OLA1: variants seen among roughly 807,000 people sequenced by gnomAD.
OLA1 encodes obg-like ATPase 1.
In OLA1, 14 loss-of-function variants were observed where a neutral mutation model predicts 48.4. The observed-to-expected ratio is 0.29, with a 90% CI of 0.19 to 0.45. The LOEUF (loss-of-function observed/expected upper bound fraction) is 0.45. OLA1 is among the 20% of genes least tolerant of loss of function. The pLI is 1.00. For synonymous variants in OLA1, 127 were observed against 150.4 expected, an observed-to-expected ratio of 0.84 and a Z score of 1.14; for missense variants, 325 against 467.1, an observed-to-expected ratio of 0.70 and a Z score of 2.80.
At chr2:174,175,553 GA>G (rs1352551907) in intron 4 of OLA1, among the ~76,000 whole-genome samples, 2 of 151,940 alleles carry the variant, frequency 1.3e-5, no homozygotes, top group African/African-American at 4.8e-5. Flanking sequence ...GCCTAAACTA[GA>G]AACAATTGAC....
chr2:174,223,664 G>A (rs1163892082), intron 3 of OLA1, among the ~76,000 whole-genome samples: 4 of 145,424 alleles, frequency 2.8e-5, no homozygotes, highest in South Asian at 4.3e-4. Context: ...GAGGAGTTAC[G>A]AAATCTATTG....
At chr2:174,144,687 T>C (rs922756934) in intron 4 of OLA1, among the ~76,000 whole-genome samples, 7 of 151,676 alleles carry the variant, frequency 4.6e-5, no homozygotes, top group Admixed American at 3.9e-4. Context: ...GCATGGTGGC[T>C]CACACCTGTA....
chr2:174,146,990 C>T (rs1349770223), intron 4 of OLA1, among the ~76,000 whole-genome samples: 9 of 152,120 alleles, frequency 5.9e-5, no homozygotes, highest in African/African-American at 1.9e-4. Flanking sequence ...TAAATAAACA[C>T]CAAAATAAAA....
intron 2 of OLA1, among the ~76,000 whole-genome samples, chr2:174,234,191 T>G (rs1688797020): frequency 6.6e-6 from 1 of 152,214 alleles, no homozygotes; most frequent in African/African-American, 2.4e-5. Flanking sequence ...TTTCACTTAG[T>G]GAATAGTAGC....
chr2:174,158,987 T>C (rs1686951543), intron 4 of OLA1, among the ~76,000 whole-genome samples: 1 of 152,214 alleles, frequency 6.6e-6, no homozygotes, highest in Non-Finnish European at 1.5e-5. Context: ...GACTGTATGT[T>C]ATGTATTCAT....
At chr2:174,219,422 C>CTTT (rs1559011396) in intron 4 of OLA1, among the ~76,000 whole-genome samples, 127 of 144,156 alleles carry the variant, frequency 8.8e-4, no homozygotes, top group African/African-American at 3.2e-3. Context: ...ATTTTATTTC[C>CTTT]CTTTTTTTTT....
intron 5 of OLA1, among the ~76,000 whole-genome samples, chr2:174,141,013 C>T (rs1479498819): frequency 6.6e-6 from 1 of 152,188 alleles, no homozygotes; most frequent in Non-Finnish European, 1.5e-5. Context: ...CTCACTGCAA[C>T]CTCCGCCTCC....
intron 5 of OLA1, among the ~76,000 whole-genome samples, chr2:174,124,489 A>T (rs1686002211): frequency 1.3e-5 from 2 of 152,026 alleles, no homozygotes; most frequent in African/African-American, 4.8e-5. Context: ...CACAAACTGA[A>T]CCCTTCAAGC....
chr2:174,099,417 G>C (rs1685338372), intron 7 of OLA1, among the ~76,000 whole-genome samples: 1 of 152,152 alleles, frequency 6.6e-6, no homozygotes, highest in Admixed American at 6.5e-5. Flanking sequence ...GCCTCCTGAA[G>C]TGCTGGGGTT....
intron 4 of OLA1, among the ~76,000 whole-genome samples, chr2:174,165,951 A>G (rs1193495663): frequency 6.6e-6 from 1 of 152,036 alleles, no homozygotes; most frequent in Admixed American, 6.6e-5. Flanking sequence ...GTGAAACCCC[A>G]TCTCCACCAA....
At chr2:174,157,793 G>A (rs1686921191) in intron 4 of OLA1, among the ~76,000 whole-genome samples, 1 of 152,132 alleles carries the variant, frequency 6.6e-6, no homozygotes, top group Admixed American at 6.6e-5. Flanking sequence ...ATGATGGTCT[G>A]ATTAAATCCA....
At chr2:174,140,559 G>A (rs553453350) in intron 5 of OLA1, among the ~76,000 whole-genome samples, 8 of 151,668 alleles carry the variant, frequency 5.3e-5, no homozygotes, top group Non-Finnish European at 1.0e-4. Flanking sequence ...GTCGAGATGG[G>A]GTTTCACAAT....
At chr2:174,199,542 T>C (rs1687946934) in intron 4 of OLA1, among the ~76,000 whole-genome samples, 1 of 152,222 alleles carries the variant, frequency 6.6e-6, no homozygotes, top group African/African-American at 2.4e-5. Context: ...AACTTCCCAA[T>C]ATTTAAAGAT....
At chr2:174,153,443 T>C (rs1204099705) in intron 4 of OLA1, among the ~76,000 whole-genome samples, 6 of 152,180 alleles carry the variant, frequency 3.9e-5, no homozygotes, top group Non-Finnish European at 1.5e-5. Context: ...TTGGAGCTTA[T>C]ATTTAGTATA....
rs964994807 is a variant in OLA1, at chr2:174,075,343, C to T, written c.*83G>A. 10 of 693,740 alleles carry T rather than the reference C, an allele frequency of 1.4e-5. No individual in the cohort carries two copies. Among genetic ancestry groups the T allele is most frequent in the African/African-American group, 9.3e-5 (5 of 53,484 alleles). The allele number at this position is 693,740 out of a possible 1,614,324, so 43.0% of individuals were successfully genotyped here. ...TTCCCATCTCCCCAACTTTATTTGT[C>T]GCATTGGTTTTCAGAAATTTTAATT... On this transcript the variant is annotated 3_prime_UTR_variant, in exon 11 of 11. Coordinates refer to ENST00000284719, the MANE Select transcript of OLA1 (RefSeq NM_013341.5).
chr2:174,179,157 TGTAA>T (rs1308136328), intron 4 of OLA1, among the ~76,000 whole-genome samples: 3 of 151,922 alleles, frequency 2.0e-5, no homozygotes, highest in Non-Finnish European at 4.4e-5. Context: ...ATCTTTTAAC[TGTAA>T]GTAGTTTATT....
chr2:174,126,201 C>G (rs1686039012), intron 5 of OLA1, among the ~76,000 whole-genome samples: 1 of 151,780 alleles, frequency 6.6e-6, no homozygotes, highest in African/African-American at 2.4e-5. Context: ...TGAAAGAAAA[C>G]ATTTGGGCTT....
At chr2:174,222,918 C>T in intron 4 of OLA1, 115 bp downstream of exon 4, 1 of 1,081,574 alleles carries the variant, frequency 9.2e-7, no homozygotes, top group Non-Finnish European at 1.3e-6. Flanking sequence ...ACCCAAGATT[C>T]ATCTGGTAAA....
chr2:174,195,334 T>C (rs1687860430), intron 4 of OLA1, among the ~76,000 whole-genome samples: 1 of 152,134 alleles, frequency 6.6e-6, no homozygotes, highest in South Asian at 2.1e-4. Context: ...AAATATGCTG[T>C]CTTCATATAG....
Sources: gnomAD v4.1 joint callset for allele counts (sites outside exome capture counted in the v4.1 genomes callset) on GRCh38, gnomAD v4.1.1 for gene constraint, MANE v1.5 for transcripts, NCBI Gene and HGNC (gene_info 2026-07-23, HGNC 2026-07-21) for gene names.